Variants in IL10RA observed in about 807,000 individuals in gnomAD.
The protein encoded by IL10RA is interleukin-10 receptor subunit alpha.
A neutral mutation model predicts 29.6 loss-of-function variants in IL10RA; 18 were observed. That is an observed-to-expected ratio of 0.61 (90% confidence interval 0.42 to 0.90). IL10RA has a LOEUF of 0.90. Ranked by LOEUF, IL10RA falls within the 40% of genes least tolerant of loss-of-function variation. The pLI is 0.00. For missense variants in IL10RA, 634 were observed against 716.6 expected (o/e 0.88, Z 1.32); for synonymous variants, 292 against 294.1 (o/e 0.99, Z 0.07).
intron 5 of IL10RA, among the ~76,000 whole-genome samples, chr11:117,994,559 C>T (rs1408415874): frequency 6.6e-6 from 1 of 152,206 alleles, no homozygotes; most frequent in Non-Finnish European, 1.5e-5. Context: ...CTACTCTGCT[C>T]TGCTCCTCGC....
Position 117,999,233 on chromosome 11 carries a change from C to T in IL10RA, c.1329C>T (p.Phe443=). 1.9e-6 allele frequency: 3 copies of T among 1,614,252 alleles called. No individual in the cohort carries two copies. The highest frequency in any genetic ancestry group is 2.5e-6 in the Non-Finnish European group (3 of 1,180,044). The part of the protein sequence containing the change: ...PGEEDPAAVA[F]QGYLRQTRCA... ...AAGAAGACCCAGCTGCTGTGGCATT[C>T]CAGGGTTACCTGAGGCAGACCAGAT... Residue 443 remains phenylalanine, a synonymous_variant, in exon 7 of 7, where the codon TTC becomes TTT. Coordinates refer to ENST00000227752, the MANE Select transcript of IL10RA (RefSeq NM_001558.4).
In IL10RA at chr11:117,999,848, G is replaced by A. The variant is rs1305893738; in HGVS notation, c.*207G>A. 1.0e-5 allele frequency: 7 copies of A among 694,872 alleles called. No individual in the cohort carries two copies. The highest frequency in any genetic ancestry group is 1.8e-5 in the Non-Finnish European group (7 of 382,034). The allele number at this position is 694,872 out of a possible 1,614,324, so 43.0% of individuals were successfully genotyped here. On this transcript the variant is annotated 3_prime_UTR_variant, in exon 7 of 7. Coordinates refer to ENST00000227752, the MANE Select transcript of IL10RA (RefSeq NM_001558.4). ...AACTCACTGAACTAGTGCAGGGTATGTGGGTGGCACTGACCTGTTCTGTTG... is the reference window on the plus strand; with the variant it reads ...AACTCACTGAACTAGTGCAGGGTATATGGGTGGCACTGACCTGTTCTGTTG...
In IL10RA at chr11:117,988,546, C is replaced by T. The variant is rs377268794; in HGVS notation, c.188+44C>T. The T allele has an allele frequency of 4.5e-5, 73 of 1,610,082 alleles. No homozygotes were observed. The Middle Eastern group carries it at 9.9e-4, about 22-fold the overall frequency. ...GGAGGGGGAGGGAGGAGTGAATCCC[C>T]GCCTTGTCCTCTACTCTCCTAGCAT... is the stretch of plus-strand genomic sequence containing the variant. On this transcript the variant is annotated intron_variant, in intron 2 of 6. Transcript: ENST00000227752.
chr11:117,992,182 A>G (rs2058027153), intron 3 of IL10RA, among the ~76,000 whole-genome samples: 1 of 152,216 alleles, frequency 6.6e-6, no homozygotes, highest in Non-Finnish European at 1.5e-5. Flanking sequence ...TATCTCTTCA[A>G]TACACTAATT....
Position 118,000,634 on chromosome 11 carries a change from C to T in IL10RA, c.*993C>T, listed in dbSNP as rs1488283171. ...GCCACTGGGCACTGGGCTGGGGTCC[C>T]TGCCTTGTTGGTGTTCAGCTGTGTG... On this transcript the variant is annotated 3_prime_UTR_variant, in exon 7 of 7. Transcript: ENST00000227752. The T allele has an allele frequency of 4.4e-6, 2 of 454,246 alleles. No homozygotes were observed. The highest frequency in any genetic ancestry group is 8.8e-6 in the Non-Finnish European group (2 of 226,796). 28.1% of individuals were successfully genotyped at this position (454,246 alleles called of 1,614,324 possible). A position where few individuals can be genotyped will look rare whatever the true frequency, so the allele number is the denominator to read the frequency against.
Position 117,999,838 on chromosome 11 carries a change from T to A in IL10RA, c.*197T>A, listed in dbSNP as rs1381134693. The A allele has an allele frequency of 2.9e-6, 2 of 697,234 alleles. No homozygotes were observed. Among genetic ancestry groups the A allele is most frequent in the East Asian group, 5.4e-5 (2 of 37,086 alleles). 43.2% of individuals were successfully genotyped at this position (697,234 alleles called of 1,614,324 possible). On this transcript the variant is annotated 3_prime_UTR_variant, in exon 7 of 7. Coordinates refer to ENST00000227752, the MANE Select transcript of IL10RA (RefSeq NM_001558.4). ...GGAGGAGGCCAACTCACTGAACTAGTGCAGGGTATGTGGGTGGCACTGACC... is the reference window on the plus strand; with the variant it reads ...GGAGGAGGCCAACTCACTGAACTAGAGCAGGGTATGTGGGTGGCACTGACC...
At chr11:117,998,554 G>A (rs1482787537) in intron 6 of IL10RA, among the ~76,000 whole-genome samples, 161 bp from the exon 7 acceptor site, 2 of 152,212 alleles carry the variant, frequency 1.3e-5, no homozygotes, top group Admixed American at 1.3e-4. Context: ...TGCATTAGGA[G>A]GAAAGCTGGA....
At chr11:117,998,683 C>T in intron 6 of IL10RA, 32 bp from the exon 7 acceptor site, 1 of 1,606,106 alleles carries the variant, frequency 6.2e-7, no homozygotes, top group Non-Finnish European at 8.5e-7. Context: ...AAGGTGACTC[C>T]TGCTTCTCTC....
chr11:117,994,131 A>G lies in IL10RA; in HGVS notation c.670A>G (p.Ile224Val), dbSNP rs2228055. ...GGGGATGTGGTCTAAAGAGGAGTGC[A>G]TCTCCCTCACCAGGCAGTGTGAGTC... ...NKGMWSKEECISLTRQYFTVT... is the reference protein window; with the variant it reads ...NKGMWSKEECVSLTRQYFTVT... Residue 224 changes from isoleucine to valine, a missense_variant, in exon 5 of 7, where the codon ATC becomes GTC. Coordinates refer to ENST00000227752, the MANE Select transcript of IL10RA (RefSeq NM_001558.4). 0.064 allele frequency: 103,036 copies of G among 1,613,634 alleles called. 6,059 individuals are homozygous for G. The highest frequency in any genetic ancestry group is 0.37 in the East Asian group (16,557 of 44,854).
At chr11:117,993,948 G>A (rs373538114) in intron 4 of IL10RA, 51 bp from the exon 5 acceptor site, 163 of 1,544,978 alleles carry the variant, frequency 1.1e-4, no homozygotes, top group Non-Finnish European at 1.3e-4. Flanking sequence ...CTCAGTGTCC[G>A]TGTGCCATGA....
chr11:117,988,379 C>T lies in IL10RA; in HGVS notation c.68-3C>T. The T allele has an allele frequency of 6.2e-7, 1 of 1,614,130 alleles. No homozygotes were observed. The highest frequency in any genetic ancestry group is 2.2e-5 in the East Asian group (1 of 44,880). ...GCTGTGGTACTGACACTCTTCTCCC[C>T]AGGGACAGAGCTGCCCAGCCCTCCG... is the stretch of plus-strand genomic sequence containing the variant. On this transcript the variant is annotated splice_region_variant and splice_polypyrimidine_tract_variant and intron_variant, in intron 1 of 6. Coordinates refer to ENST00000227752, the MANE Select transcript of IL10RA (RefSeq NM_001558.4).
Position 117,993,024 on chromosome 11 carries a change from A to T in IL10RA, c.368-217A>T. ...GGTTTATTTCTGGGCTGTCCATCAT[A>T]TTCCATTGGTTGATGCATCTGATTT... is the stretch of plus-strand genomic sequence containing the variant. On this transcript the variant is annotated intron_variant, in intron 3 of 6. Transcript: ENST00000227752. 5 of 568,690 alleles carry T rather than the reference A, an allele frequency of 8.8e-6. 1 individual carries two copies. The South Asian group carries it at 1.0e-4, about 11-fold the overall frequency. 35.2% of individuals were successfully genotyped at this position (568,690 alleles called of 1,614,324 possible).
Position 117,999,634 on chromosome 11 carries a change from G to A in IL10RA, c.1730G>A (p.Ser577Asn). 6.2e-7 allele frequency: 1 copy of A among 1,613,586 alleles called. No individual in the cohort carries two copies. The highest frequency in any genetic ancestry group is 1.3e-5 in the African/African-American group (1 of 75,070). Reference sequence around the variant, plus strand: ...CCCCTCATCTCTAGCCTGCAGTCAAGTGAGTGACTCGGGCTGAGAGGCTGC... The same window carrying A: ...CCCCTCATCTCTAGCCTGCAGTCAAATGAGTGACTCGGGCTGAGAGGCTGC... The part of the protein sequence containing the change: ...TLPLISSLQS[S>N]E The change falls in exon 7 of 7, where the codon AGT becomes AAT. Residue 577 changes from serine (S) to asparagine (N), a missense_variant. Ser to Asn is a conservative substitution (Grantham distance 46). Coordinates refer to ENST00000227752, the MANE Select transcript of IL10RA (RefSeq NM_001558.4).
At position 117,989,778 on chromosome 11, in the gene IL10RA, G is replaced by A; in HGVS notation, c.367+158G>A. ...CAAACAGGGCAGGACTTTGGAGAAT[G>A]TTAGATAAAAATAGCCCAAGTTGTT... On this transcript the variant is annotated intron_variant, in intron 3 of 6. Transcript: ENST00000227752. This position sits in a 1 kb window ranked among gnomAD's most constrained non-coding sequence, Gnocchi z 4.5. The A allele has an allele frequency of 1.3e-6, 1 of 750,004 alleles. No homozygotes were observed. The highest frequency in any genetic ancestry group is 2.3e-6 in the Non-Finnish European group (1 of 436,854). The allele number at this position is 750,004 out of a possible 1,614,324, so 46.5% of individuals were successfully genotyped here.
chr11:117,994,354 G>C (rs765073171), intron 5 of IL10RA: 1 of 578,812 alleles, frequency 1.7e-6, no homozygotes, highest in South Asian at 2.2e-5. Context: ...ACTTCCTAGG[G>C]TTGCACAGCT....
In IL10RA at chr11:117,994,575, C is replaced by T. The variant is rs117687665; in HGVS notation, c.688+426C>T. Among the ~76,000 whole-genome samples the T allele has an allele frequency of 1.5e-3, 234 of 152,350 alleles. 9 individuals are homozygous for T. In the East Asian group the frequency reaches 0.042, roughly 27 times the overall value. ...TACTCTGCTCTGCTCCTCGCCAGAG[C>T]TGCTAAAGTCAGCAAATACTGCTCC... On this transcript the variant is annotated intron_variant, in intron 5 of 6. Coordinates refer to ENST00000227752, the MANE Select transcript of IL10RA (RefSeq NM_001558.4).
intron 3 of IL10RA, among the ~76,000 whole-genome samples, chr11:117,992,816 T>C (rs2058031812): frequency 6.6e-6 from 1 of 152,260 alleles, no homozygotes; most frequent in Non-Finnish European, 1.5e-5. Flanking sequence ...TGGTGGTTTT[T>C]ATAGTTTCAG....
intron 3 of IL10RA, among the ~76,000 whole-genome samples, chr11:117,991,553 C>T (rs1300523588): frequency 6.6e-6 from 1 of 152,212 alleles, no homozygotes; most frequent in Non-Finnish European, 1.5e-5. Context: ...TCCACTTCTC[C>T]CACCTGCCTC....
chr11:118,001,197 AT>A lies in IL10RA; in HGVS notation c.*1559del. On this transcript the variant is annotated 3_prime_UTR_variant, in exon 7 of 7. Coordinates refer to ENST00000227752, the MANE Select transcript of IL10RA (RefSeq NM_001558.4). ...AAAGCTTTATTTATTTATTTTGTTCATTTATTTATTGGAGAGGCAGCATTGC... is the reference window on the plus strand; with the variant it reads ...AAAGCTTTATTTATTTATTTTGTTCATTATTTATTGGAGAGGCAGCATTGC... The A allele has an allele frequency of 2.2e-6, 1 of 454,008 alleles. No homozygotes were observed. Among genetic ancestry groups the A allele is most frequent in the Admixed American group, 2.4e-5 (1 of 42,548 alleles). 28.1% of individuals were successfully genotyped at this position (454,008 alleles called of 1,614,324 possible).
Sources: allele counts gnomAD v4.1 joint callset (sites outside exome capture counted in the v4.1 genomes callset), GRCh38; gene constraint gnomAD v4.1.1; non-coding constraint Gnocchi (gnomAD v3.1); transcripts MANE v1.5; gene names NCBI Gene and HGNC (gene_info 2026-07-23, HGNC 2026-07-21).